Variants in HHAT observed in about 807,000 individuals in gnomAD.
HHAT encodes the protein protein-cysteine N-palmitoyltransferase HHAT.
Under a neutral mutation model 70.8 loss-of-function variants are expected in HHAT, and 47 were observed. The ratio of observed to expected loss-of-function variants is 0.66; its 90% confidence interval spans 0.53 to 0.85. The LOEUF is 0.85. Among genes scored for constraint, HHAT ranks in the 40% least tolerant of loss-of-function variants. HHAT has a pLI of 0.00. For missense variants in HHAT, 609 were observed against 604.8 expected, an observed-to-expected ratio of 1.01 and a Z score of -0.07; for synonymous variants, 228 against 247.6, an observed-to-expected ratio of 0.92 and a Z score of 0.74.
chr1:210,651,637 G>A (rs1434783615), intron 11 of HHAT, among the ~76,000 whole-genome samples: 1 of 152,230 alleles, frequency 6.6e-6, no homozygotes, highest in Non-Finnish European at 1.5e-5. Flanking sequence ...GAAGCTGGAG[G>A]CTGGACCCAC....
chr1:210,576,196 A>G (rs1000975729), intron 9 of HHAT, among the ~76,000 whole-genome samples: 1 of 152,130 alleles, frequency 6.6e-6, no homozygotes, highest in Non-Finnish European at 1.5e-5. Context: ...CTGAGAAAGC[A>G]GTTCAGTGTT....
intron 8 of HHAT, among the ~76,000 whole-genome samples, chr1:210,486,337 A>G (rs2094472513): frequency 2.0e-5 from 3 of 152,220 alleles, no homozygotes; most frequent in Non-Finnish European, 4.4e-5. Flanking sequence ...CTAAGACTAC[A>G]TTAAGCGAAT....
intron 11 of HHAT, among the ~76,000 whole-genome samples, chr1:210,673,528 T>A (rs1385643085): frequency 6.6e-6 from 1 of 151,710 alleles, no homozygotes; most frequent in African/African-American, 2.4e-5. Flanking sequence ...ACACTCAGAC[T>A]CATGGACTTT....
At chr1:210,623,488 C>T in intron 10 of HHAT, 38 bp from the exon 11 acceptor site, 1 of 1,611,826 alleles carries the variant, frequency 6.2e-7, no homozygotes, top group South Asian at 1.1e-5. Flanking sequence ...TTTTTTCCAC[C>T]CTTGTCATGA....
At chr1:210,378,426 A>G (rs897435146) in intron 3 of HHAT, among the ~76,000 whole-genome samples, 2 of 152,250 alleles carry the variant, frequency 1.3e-5, no homozygotes, top group Non-Finnish European at 2.9e-5. Context: ...GCTAGATATA[A>G]GGATAAGGAA....
At chr1:210,666,059 G>A (rs1678815056) in intron 11 of HHAT, among the ~76,000 whole-genome samples, 1 of 152,222 alleles carries the variant, frequency 6.6e-6, no homozygotes. Context: ...GTTTGTTCAT[G>A]TGCTGGCCAT....
intron 8 of HHAT, among the ~76,000 whole-genome samples, chr1:210,481,229 A>T (rs1386927562): frequency 6.6e-6 from 1 of 152,206 alleles, no homozygotes; most frequent in Non-Finnish European, 1.5e-5. Context: ...TCTAGGGGAA[A>T]TACAGGGTTA....
intron 11 of HHAT, among the ~76,000 whole-genome samples, chr1:210,641,483 C>T (rs535009698): frequency 6.6e-6 from 1 of 152,244 alleles, no homozygotes; most frequent in Admixed American, 6.5e-5. Context: ...AATTACTGTG[C>T]ACCAACCTAA....
chr1:210,479,409 A>C (rs2094357256), intron 8 of HHAT, among the ~76,000 whole-genome samples: 1 of 152,222 alleles, frequency 6.6e-6, no homozygotes, highest in Admixed American at 6.5e-5. Flanking sequence ...ACCATCACTG[A>C]GTCTCCATAG....
intron 7 of HHAT, among the ~76,000 whole-genome samples, chr1:210,454,746 G>T (rs999309951): frequency 6.6e-6 from 1 of 152,188 alleles, no homozygotes; most frequent in African/African-American, 2.4e-5. Context: ...TAGGTAAATT[G>T]TGTCCTCCAG....
At chr1:210,542,496 A>T (rs2490221) in intron 9 of HHAT, among the ~76,000 whole-genome samples, 71,071 of 149,486 alleles carry the variant, frequency 0.48, 17,231 homozygotes, top group South Asian at 0.53. Flanking sequence ...TTAAAAAAAA[A>T]ATATATATAT....
chr1:210,557,546 A>G (rs1033734161), intron 9 of HHAT, among the ~76,000 whole-genome samples: 7 of 152,198 alleles, frequency 4.6e-5, no homozygotes, highest in African/African-American at 1.7e-4. Flanking sequence ...CTGGGAATAA[A>G]AAGAGGTGTA....
At chr1:210,409,914 T>C (rs1334428538) in intron 6 of HHAT, among the ~76,000 whole-genome samples, 1 of 152,194 alleles carries the variant, frequency 6.6e-6, no homozygotes, top group Non-Finnish European at 1.5e-5. Context: ...TTTCCAGTGG[T>C]CTAAAGGTTT....
Position 210,513,098 on chromosome 1 carries a change from AC to A in HHAT, c.1008-53del, listed in dbSNP as rs2094987899. 6 of 1,015,954 alleles carry A rather than the reference AC, an allele frequency of 5.9e-6. 1 individual carries two copies. The African/African-American group carries it at 8.0e-5, about 14-fold the overall frequency. 62.9% of individuals were successfully genotyped at this position (1,015,954 alleles called of 1,614,324 possible). ...AATTATAAATATAGTTGTCTAGTCT[AC>A]CATTACTATAAATATCTTTTATTGA... On this transcript the variant is annotated intron_variant, in intron 8 of 11. Transcript: ENST00000261458.
At chr1:210,443,149 A>G (rs2093560179) in intron 7 of HHAT, among the ~76,000 whole-genome samples, 3 of 151,814 alleles carry the variant, frequency 2.0e-5, no homozygotes, top group Admixed American at 2.0e-4. Flanking sequence ...AAGATCAGAT[A>G]GTTGTAGATA....
intron 8 of HHAT, among the ~76,000 whole-genome samples, chr1:210,494,542 CTTTTTTTTTTTTTTTT>C (rs71146226): frequency 2.4e-5 from 2 of 82,850 alleles, no homozygotes; most frequent in African/African-American, 1.0e-4. Flanking sequence ...TTTGAAATAG[CTTTTTTTTTTTTTTTT>C]TTTTTTTTTT....
rs1302276339 is a variant in HHAT, at chr1:210,475,916, T to G, written c.1007+11261T>G. On this transcript the variant is annotated intron_variant, in intron 8 of 11. Transcript: ENST00000261458. ...CTTATTTATTCTTGTGTAATTATAT[T>G]GTTAAGTAAGGATTTAGATATTATC... Among the ~76,000 whole-genome samples, 5 of 152,338 alleles carry G rather than the reference T, an allele frequency of 3.3e-5. No homozygotes were observed. The East Asian group carries it at 7.7e-4, about 24-fold the overall frequency.
intron 2 of HHAT, among the ~76,000 whole-genome samples, chr1:210,358,830 T>G (rs1485488305): frequency 6.6e-6 from 1 of 152,202 alleles, no homozygotes; most frequent in Non-Finnish European, 1.5e-5. Context: ...CAGAATTAAT[T>G]TCCCATCAAA....
At chr1:210,512,787 G>A (rs2094981605) in intron 8 of HHAT, among the ~76,000 whole-genome samples, 2 of 151,930 alleles carry the variant, frequency 1.3e-5, no homozygotes, top group African/African-American at 2.4e-5. Context: ...TGGAAAAGTG[G>A]AAGGTACCTG....
Sources: allele counts gnomAD v4.1 joint callset (sites outside exome capture counted in the v4.1 genomes callset), GRCh38; gene constraint gnomAD v4.1.1; transcripts MANE v1.5; gene names NCBI Gene and HGNC (gene_info 2026-07-23, HGNC 2026-07-21).